The following ITFG2 variants were observed in gnomAD, a reference collection of about 807,000 sequenced individuals.
ITFG2 encodes the protein KICSTOR complex protein ITFG2.
Under a neutral mutation model 54.4 loss-of-function variants are expected in ITFG2, and 36 were observed. That is an observed-to-expected ratio of 0.66 (90% CI 0.51 to 0.87). The LOEUF is 0.87. Ranked by LOEUF, ITFG2 falls within the 40% of genes least tolerant of loss-of-function variation. The probability of loss-of-function intolerance (pLI) is 0.00; values close to 1 mark genes in which losing one functional copy is unlikely to be tolerated. For missense variants in ITFG2, 524 were observed against 576.7 expected, an observed-to-expected ratio of 0.91 and a Z score of 0.94; for synonymous variants, 211 against 225.4, an observed-to-expected ratio of 0.94 and a Z score of 0.57.
At chr12:2,812,940 C>T in intron 1 of ITFG2, 84 bp downstream of exon 1, 5 of 1,205,936 alleles carry the variant, frequency 4.1e-6, no homozygotes, top group Admixed American at 1.8e-5. Context: ...CCGAGCGTGC[C>T]ACGTGAGCGT....
intron 2 of ITFG2, among the ~76,000 whole-genome samples, chr12:2,853,504 C>T (rs2098077725): frequency 6.6e-6 from 1 of 152,146 alleles, no homozygotes; most frequent in Non-Finnish European, 1.5e-5. Context: ...AACTCCTGAC[C>T]TCAGGCGATC....
At chr12:2,818,964 C>T (rs1009311070) in intron 4 of ITFG2, among the ~76,000 whole-genome samples, 21 of 151,392 alleles carry the variant, frequency 1.4e-4, no homozygotes, top group Non-Finnish European at 2.8e-4. Flanking sequence ...GTTGCAGTGA[C>T]CCAGGATCAT....
Position 2,820,835 on chromosome 12 carries a change from T to G in ITFG2, c.658T>G (p.Ser220Ala). The part of the protein sequence containing the change: ...LLCTWKKDTG[S>A]PPASEGPTDG... ...GTGTACCTGGAAAAAGGACACTGGGTCCCCTCCTGCCTCTGAAGGGCCCAC... is the reference window on the plus strand; with the variant it reads ...GTGTACCTGGAAAAAGGACACTGGGGCCCCTCCTGCCTCTGAAGGGCCCAC... Residue 220 changes from serine (S) to alanine (A), a missense_variant, in exon 6 of 12, where the codon TCC becomes GCC. Coordinates refer to ENST00000228799, the MANE Select transcript of ITFG2 (RefSeq NM_018463.4). 6.2e-7 allele frequency: 1 copy of G among 1,613,874 alleles called. No individual in the cohort carries two copies. The highest frequency in any genetic ancestry group is 1.1e-5 in the South Asian group (1 of 91,060).
rs185206363 is a variant in ITFG2 at position 2,813,500 on chromosome 12, A to T, written c.96+644A>T. Among the ~76,000 whole-genome samples the T allele has an allele frequency of 2.1e-3, 314 of 152,344 alleles. 3 individuals carry two copies. The highest frequency in any genetic ancestry group is 6.3e-3 in the African/African-American group (263 of 41,574). On this transcript the variant is annotated intron_variant, in intron 1 of 11. Transcript: ENST00000228799. ...TGAACGAGAGAGTTCCAGTCCTCAGATAGCTCATAATCAAGCTGTGTAATA... is the reference window on the plus strand; with the variant it reads ...TGAACGAGAGAGTTCCAGTCCTCAGTTAGCTCATAATCAAGCTGTGTAATA...
At chr12:2,854,916 C>T in intron 2 of ITFG2, 8 of 1,535,140 alleles carry the variant, frequency 5.2e-6, no homozygotes, top group Non-Finnish European at 7.0e-6. Flanking sequence ...TCGCTGGCGG[C>T]TGGATGTTGC....
downstream of ITFG2, chr12:2,828,060 A>G: frequency 6.2e-7 from 1 of 1,608,390 alleles, no homozygotes; most frequent in East Asian, 2.2e-5. Context: ...GTGGTTGGGA[A>G]GCAAGGGTTA....
At chr12:2,849,623 A>G in intron 2 of ITFG2, 1 of 1,369,072 alleles carries the variant, frequency 7.3e-7, no homozygotes, top group Non-Finnish European at 9.9e-7. Flanking sequence ...CGCTGTCCAC[A>G]AGCTAGTTAG....
intron 2 of ITFG2, among the ~76,000 whole-genome samples, chr12:2,848,244 C>G (rs753403697): frequency 2.0e-5 from 3 of 152,164 alleles, no homozygotes; most frequent in Non-Finnish European, 2.9e-5. Flanking sequence ...CAGGTGTGAC[C>G]ATCAATGTGG....
intron 5 of ITFG2, among the ~76,000 whole-genome samples, 161 bp from the exon 6 acceptor site, chr12:2,820,563 A>G (rs2097940144): frequency 6.6e-6 from 1 of 151,882 alleles, no homozygotes. Flanking sequence ...GAAACTCGAA[A>G]TCCTTCCTCC....
intron 2 of ITFG2, among the ~76,000 whole-genome samples, chr12:2,855,862 C>A (rs1374475805): frequency 6.6e-6 from 1 of 152,150 alleles, no homozygotes; most frequent in Non-Finnish European, 1.5e-5. Context: ...AGCCCACCTT[C>A]ACTTGCTCCT....
In ITFG2 at chr12:2,817,286, C is replaced by T. The variant is rs373623534; in HGVS notation, c.160C>T (p.Arg54Trp). ...GTCTGTGTATAAAAATGATGACAGT[C>T]GGCCATGGCTCACCTGTTCCTGCCA... is the stretch of plus-strand genomic sequence containing the variant. ...KVSVYKNDDS[R>W]PWLTCSCQGM... The change falls in exon 2 of 12, where the codon CGG becomes TGG. Residue 54 changes from arginine (R) to tryptophan (W), a missense_variant. Arg to Trp is a moderately radical substitution (Grantham distance 101, BLOSUM62 -3). Coordinates refer to ENST00000228799, the MANE Select transcript of ITFG2 (RefSeq NM_018463.4). The T allele has an allele frequency of 3.3e-4, 535 of 1,613,670 alleles. 5 individuals carry two copies. The South Asian group carries it at 5.3e-3, about 16-fold the overall frequency.
chr12:2,840,449 C>T (rs1461960267), intron 1 of ITFG2, among the ~76,000 whole-genome samples: 2 of 136,686 alleles, frequency 1.5e-5, no homozygotes, highest in Non-Finnish European at 3.0e-5. Flanking sequence ...GAGCGAGACT[C>T]TGTCTCAAAA....
At position 2,830,871 on chromosome 12, in the gene ITFG2, C is replaced by G. The variant is rs371536937; in HGVS notation, c.*97C>G. On this transcript the variant is annotated 3_prime_UTR_variant and NMD_transcript_variant, in exon 3 of 3. Coordinates refer to the ITFG2 transcript ENST00000538822. ...CACACTGCGCGGCTGCTGGCTCCAT[C>G]ACAAAACAATGAAGGTAGGCAGTTC... The G allele has an allele frequency of 1.1e-5, 17 of 1,610,356 alleles. No homozygotes were observed. In the African/African-American group the frequency reaches 2.1e-4, roughly 20 times the overall value.
chr12:2,834,496 T>A, upstream of ITFG2: 1 of 1,170,214 alleles, frequency 8.5e-7, no homozygotes, highest in Non-Finnish European at 1.1e-6. Flanking sequence ...AGCCTTGAGT[T>A]GGCAGGATGA....
chr12:2,830,929 C>G (rs937721679), downstream of ITFG2: 6 of 1,539,308 alleles, frequency 3.9e-6, no homozygotes, highest in African/African-American at 8.2e-5. Context: ...TCAGTTACCC[C>G]ACTTAGATAC....
At chr12:2,852,635 G>A (rs972388936) in intron 2 of ITFG2, among the ~76,000 whole-genome samples, 17 of 152,072 alleles carry the variant, frequency 1.1e-4, no homozygotes, top group African/African-American at 4.1e-4. Flanking sequence ...AAAGTGTTGG[G>A]ATTACAGGCA....
At chr12:2,859,235 C>A (rs1421149997) in intron 3 of ITFG2, 2 of 1,613,440 alleles carry the variant, frequency 1.2e-6, no homozygotes, top group Non-Finnish European at 1.7e-6. Context: ...AAGTACTGGG[C>A]CCCTCTGAGA....
chr12:2,855,031 A>G (rs2098082845), intron 2 of ITFG2: 2 of 1,535,998 alleles, frequency 1.3e-6, no homozygotes, highest in East Asian at 2.4e-5. Context: ...CTTCCTTTTC[A>G]TGTCCACAAA....
chr12:2,850,031 CCT>C (rs556702987), intron 2 of ITFG2, among the ~76,000 whole-genome samples: 29 of 152,282 alleles, frequency 1.9e-4, no homozygotes, highest in African/African-American at 2.6e-4. Context: ...CAGATAGTCC[CCT>C]GTTTGCTGTT....
Sources: gnomAD v4.1 joint callset for allele counts (sites outside exome capture counted in the v4.1 genomes callset) on GRCh38, gnomAD v4.1.1 for gene constraint, MANE v1.5 for transcripts, NCBI Gene and HGNC (gene_info 2026-07-23, HGNC 2026-07-21) for gene names.